The following ANO1 variants were observed in gnomAD, a reference collection of about 807,000 sequenced individuals.
ANO1 encodes anoctamin-1.
ANO1 carries 59 observed loss-of-function variants against 124.0 expected under a neutral mutation model. That is an observed-to-expected ratio of 0.48 (90% CI 0.39 to 0.59). ANO1 has a LOEUF of 0.59. Ranked by LOEUF, ANO1 falls within the 20% of genes least tolerant of loss-of-function variation. The probability of loss-of-function intolerance (pLI) is 0.00; values close to 1 mark genes in which losing one functional copy is unlikely to be tolerated. For synonymous variants in ANO1, 529 were observed against 532.0 expected (o/e 0.99, Z 0.08); for missense variants, 1,059 against 1,328.0 (o/e 0.80, Z 3.15).
intron 1 of ANO1, among the ~76,000 whole-genome samples, chr11:70,002,461 C>CA (rs56246522): frequency 0.029 from 2,759 of 94,974 alleles, 146 homozygotes; most frequent in African/African-American, 0.084. Context: ...GAGACTCCAC[C>CA]AAAAAAAAAA....
the ANO1 span, among the ~76,000 whole-genome samples, chr11:69,967,719 C>T: frequency 3.9e-5 from 6 of 152,332 alleles, no homozygotes; most frequent in South Asian, 2.1e-4. Context: ...GTCACCTGCC[C>T]GAGGGCCACA....
chr11:70,139,568 C>A (rs1437310132), intron 11 of ANO1, among the ~76,000 whole-genome samples: 1 of 152,186 alleles, frequency 6.6e-6, no homozygotes, highest in African/African-American at 2.4e-5. Context: ...AGGTGATCTG[C>A]CTACCTCAGC....
At chr11:70,179,915 A>T in intron 22 of ANO1, 89 bp from the exon 23 acceptor site, 1 of 1,246,346 alleles carries the variant, frequency 8.0e-7, no homozygotes, top group Non-Finnish European at 1.2e-6. Flanking sequence ...TGGCCCCTGC[A>T]AGGGTGGTAC....
At chr11:69,974,882 G>C in the ANO1 span, among the ~76,000 whole-genome samples, 1 of 112,932 alleles carries the variant, frequency 8.9e-6, no homozygotes. Flanking sequence ...GGATGCCTCC[G>C]TCTCTAAAAA....
At chr11:70,163,522 G>A (rs2135722304) in intron 19 of ANO1, 182 bp downstream of exon 19, 1 of 720,708 alleles carries the variant, frequency 1.4e-6, no homozygotes, top group East Asian at 2.7e-5. Context: ...AATCTTATCT[G>A]GTGTGTTCAT....
chr11:70,015,070 A>C (rs1336075467), intron 1 of ANO1: 1 of 151,852 alleles, frequency 6.6e-6, no homozygotes, highest in Non-Finnish European at 1.5e-5. Context: ...AATTCTCAAT[A>C]ATTGTGCCCA....
intron 1 of ANO1, among the ~76,000 whole-genome samples, chr11:70,069,068 G>T (rs1477886442): frequency 6.6e-6 from 1 of 152,186 alleles, no homozygotes; most frequent in Non-Finnish European, 1.5e-5. Flanking sequence ...CCCCTGCCTT[G>T]TGAAACAAGC....
intron 1 of ANO1, among the ~76,000 whole-genome samples, chr11:70,046,195 T>G (rs1857257427): frequency 6.6e-6 from 1 of 152,204 alleles, no homozygotes; most frequent in Non-Finnish European, 1.5e-5. Flanking sequence ...TGTGCCAATT[T>G]TCTGATCTTT....
At chr11:70,151,352 C>T (rs971387880) in intron 12 of ANO1, among the ~76,000 whole-genome samples, 12 of 152,216 alleles carry the variant, frequency 7.9e-5, no homozygotes, top group African/African-American at 2.9e-4. Context: ...CTGTCCACAG[C>T]ACACAGCTCT....
intron 19 of ANO1, 134 bp from the exon 20 acceptor site, chr11:70,165,336 C>A (rs1177543788): frequency 9.9e-6 from 7 of 707,468 alleles, no homozygotes; most frequent in Non-Finnish European, 1.7e-5. Context: ...TCCCAGGTGG[C>A]GGGGATTAGA....
At chr11:70,092,586 G>A (rs865815053) in intron 2 of ANO1, among the ~76,000 whole-genome samples, 19 of 152,312 alleles carry the variant, frequency 1.2e-4, no homozygotes, top group Middle Eastern at 3.4e-3. Flanking sequence ...GGCTCAGCTG[G>A]TCTGGGGGAC....
Position 70,132,047 on chromosome 11 carries a change from C to T in ANO1, c.1226C>T (p.Thr409Met), listed in dbSNP as rs372916890. ...AGCCACCTCTTCGACAACCCCGCCA[C>T]GGTCTTCTTCTCTGTCTTCATGGCC... ...RASHLFDNPATVFFSVFMALW... is the reference protein window; with the variant it reads ...RASHLFDNPAMVFFSVFMALW... Residue 409 changes from threonine (T) to methionine (M), a missense_variant, in exon 11 of 26, where the codon ACG becomes ATG. By Grantham distance (81) the Thr-to-Met change is moderately conservative. Transcript: ENST00000355303. The T allele has an allele frequency of 1.9e-6, 3 of 1,601,662 alleles. No homozygotes were observed. The highest frequency in any genetic ancestry group is 1.7e-6 in the Non-Finnish European group (2 of 1,176,828).
intron 1 of ANO1, among the ~76,000 whole-genome samples, chr11:70,006,656 CTTCTTTCTTT>C (rs1856494120): frequency 5.2e-5 from 4 of 76,754 alleles, no homozygotes; most frequent in East Asian, 6.3e-4. Context: ...TTCTTTCTTT[CTTCTTTCTTT>C]TTTTTTTTTT....
chr11:70,167,450 A>T (rs1285381088), intron 21 of ANO1, 63 bp downstream of exon 21: 3 of 1,549,378 alleles, frequency 1.9e-6, no homozygotes, highest in Non-Finnish European at 2.6e-6. Flanking sequence ...TGCCACCTGG[A>T]GTGGGGAAGG....
chr11:70,096,185 G>C (rs1296195659), intron 2 of ANO1, among the ~76,000 whole-genome samples: 2 of 152,318 alleles, frequency 1.3e-5, no homozygotes, highest in East Asian at 3.9e-4. Context: ...TGATAAAGGT[G>C]ACCTTGTCCA....
intron 25 of ANO1, 50 bp downstream of exon 25, chr11:70,185,745 G>A (rs2049094959): frequency 6.4e-7 from 1 of 1,573,414 alleles, no homozygotes; most frequent in Non-Finnish European, 8.7e-7. Context: ...AGCATTTAGG[G>A]ACCATCCTGT....
intron 9 of ANO1, among the ~76,000 whole-genome samples, chr11:70,125,441 G>A (rs1311830579): frequency 4.0e-5 from 6 of 150,798 alleles, no homozygotes; most frequent in East Asian, 2.0e-4. Context: ...GCTTGAACCT[G>A]AGAGGCGGAG....
intron 18 of ANO1, 109 bp downstream of exon 18, chr11:70,161,842 G>A (rs1039242431): frequency 1.6e-5 from 17 of 1,047,500 alleles, no homozygotes; most frequent in African/African-American, 1.1e-4. Flanking sequence ...GGCAGACACC[G>A]TGGCACCCGC....
intron 19 of ANO1, among the ~76,000 whole-genome samples, chr11:70,165,134 C>T (rs2048203164): frequency 1.3e-5 from 2 of 152,084 alleles, no homozygotes; most frequent in African/African-American, 4.8e-5. Flanking sequence ...TACGGAAGCC[C>T]TCATGGTTCC....
Sources: allele counts gnomAD v4.1 joint callset (sites outside exome capture counted in the v4.1 genomes callset), GRCh38; gene constraint gnomAD v4.1.1; transcripts MANE v1.5; gene names NCBI Gene and HGNC (gene_info 2026-07-23, HGNC 2026-07-21).